The following CEP112 variants were observed in gnomAD, a reference collection of about 807,000 sequenced individuals.
CEP112 encodes the protein centrosomal protein 112.
In CEP112, 127 loss-of-function variants were observed where a neutral mutation model predicts 153.0. That is an observed-to-expected ratio of 0.83 (90% confidence interval 0.72 to 0.96). The LOEUF (loss-of-function observed/expected upper bound fraction) is 0.96. CEP112 is among the 40% of genes least tolerant of loss of function. CEP112 has a pLI of 0.00. For synonymous variants in CEP112, 358 were observed against 374.4 expected (o/e 0.96, Z 0.51); for missense variants, 1,089 against 1,101.2 (o/e 0.99, Z 0.16).
chr17:65,959,984 C>G (rs1255339488), intron 18 of CEP112, among the ~76,000 whole-genome samples: 1 of 152,088 alleles, frequency 6.6e-6, no homozygotes, highest in Non-Finnish European at 1.5e-5. Flanking sequence ...AGGTTTCTGG[C>G]CAAAAAAGTG....
At chr17:65,936,267 A>C (rs2061303427) in intron 18 of CEP112, among the ~76,000 whole-genome samples, 1 of 152,180 alleles carries the variant, frequency 6.6e-6, no homozygotes, top group Non-Finnish European at 1.5e-5. Flanking sequence ...CAACAAAGAG[A>C]AGCTCAGGAC....
intron 17 of CEP112, among the ~76,000 whole-genome samples, chr17:65,989,716 C>T (rs2063528881): frequency 6.6e-6 from 1 of 152,000 alleles, no homozygotes; most frequent in Non-Finnish European, 1.5e-5. Flanking sequence ...TGAACAAACC[C>T]AGAATAGTCT....
Position 65,689,173 on chromosome 17 carries a change from C to T in CEP112, c.2653G>A (p.Ala885Thr), listed in dbSNP as rs760653006. The T allele has an allele frequency of 1.7e-5, 28 of 1,613,622 alleles. No homozygotes were observed. Among genetic ancestry groups the T allele is most frequent in the Middle Eastern group, 1.6e-4 (1 of 6,084 alleles). ...LENRSNQVRC[A>T]EKKLQHKELE... ...TCTTTGTGTTGTAATTTTTTCTCTG[C>T]ACATCGCACCTGATTAGAACGGTTT... The change falls in exon 24 of 27, where the codon GCA becomes ACA. Residue 885 changes from alanine (A) to threonine (T), a missense_variant. Transcript: ENST00000535342.
chr17:66,005,679 A>G lies in CEP112; in HGVS notation c.1736+11T>C, dbSNP rs370507413. 41 of 1,603,968 alleles carry G rather than the reference A, an allele frequency of 2.6e-5. No individual in the cohort carries two copies. The African/African-American group carries it at 5.0e-4, about 19-fold the overall frequency. On this transcript the variant is annotated intron_variant, in intron 17 of 26. Coordinates refer to ENST00000535342, the MANE Select transcript of CEP112 (RefSeq NM_001199165.4). The stretch of plus-strand genomic sequence containing the variant: ...GTAGTTTTAAATCAAATGCATTACA[A>G]TTTTACTCACTTCAAAGCTTCCTCA...
chr17:65,970,243 T>G (rs1422587204), intron 17 of CEP112, among the ~76,000 whole-genome samples: 1 of 151,430 alleles, frequency 6.6e-6, no homozygotes. Context: ...TGCATGTATA[T>G]TACATGCATG....
chr17:66,070,220 C>A (rs1190812896), intron 8 of CEP112, among the ~76,000 whole-genome samples: 1 of 152,030 alleles, frequency 6.6e-6, no homozygotes, highest in East Asian at 1.9e-4. Flanking sequence ...ATAAATTTCA[C>A]CTGGTAGGCA....
intron 21 of CEP112, chr17:65,825,993 T>C: frequency 1.3e-6 from 1 of 770,452 alleles, no homozygotes; most frequent in Non-Finnish European, 2.2e-6. Flanking sequence ...CTGTTCAATG[T>C]GATTGCAGTT....
intron 21 of CEP112, among the ~76,000 whole-genome samples, chr17:65,788,405 C>T (rs2054397588): frequency 6.6e-6 from 1 of 152,176 alleles, no homozygotes; most frequent in African/African-American, 2.4e-5. Flanking sequence ...CAAGACTACA[C>T]TGGCTTTAGA....
intron 4 of CEP112, among the ~76,000 whole-genome samples, chr17:66,168,102 C>G (rs1568569573): frequency 1.3e-5 from 2 of 152,188 alleles, no homozygotes; most frequent in African/African-American, 2.4e-5. Context: ...GGCAACTGAA[C>G]AGTATCTATC....
intron 16 of CEP112, among the ~76,000 whole-genome samples, chr17:66,015,378 C>A (rs2064724193): frequency 7.9e-6 from 1 of 126,276 alleles, no homozygotes; most frequent in South Asian, 3.4e-4. Flanking sequence ...CTTTTTCGTT[C>A]TTGAGTATTT....
intron 4 of CEP112, among the ~76,000 whole-genome samples, chr17:66,145,376 T>C (rs931283154): frequency 2.0e-5 from 3 of 152,086 alleles, no homozygotes; most frequent in African/African-American, 7.2e-5. Flanking sequence ...TAAAAAAAGG[T>C]TTAGATAGTT....
intron 1 of CEP112, among the ~76,000 whole-genome samples, chr17:66,187,102 T>C (rs974195243): frequency 2.0e-5 from 3 of 152,132 alleles, no homozygotes; most frequent in African/African-American, 7.2e-5. Flanking sequence ...TGCCTGCTTC[T>C]CTATTCTCAC....
intron 22 of CEP112, 78 bp from the exon 23 acceptor site, chr17:65,743,295 A>G: frequency 1.7e-6 from 2 of 1,144,034 alleles, no homozygotes; most frequent in South Asian, 1.7e-5. Flanking sequence ...ATGCTTAACA[A>G]AAGAATGGAT....
intron 8 of CEP112, among the ~76,000 whole-genome samples, chr17:66,075,772 C>T (rs531390670): frequency 8.5e-4 from 130 of 152,280 alleles, no homozygotes; most frequent in African/African-American, 2.9e-3. Context: ...TGAATTTTAG[C>T]TCAAGAATGA....
At chr17:65,653,172 A>G (rs2045874892) in intron 24 of CEP112, among the ~76,000 whole-genome samples, 1 of 152,182 alleles carries the variant, frequency 6.6e-6, no homozygotes, top group African/African-American at 2.4e-5. Context: ...GGGGACACAA[A>G]CATTCATTGT....
At chr17:65,912,082 A>G (rs775218377) in intron 19 of CEP112, among the ~76,000 whole-genome samples, 16 of 152,160 alleles carry the variant, frequency 1.1e-4, no homozygotes, top group Non-Finnish European at 2.2e-4. Flanking sequence ...AACTTGGTAG[A>G]GGACTATGAT....
intron 6 of CEP112, among the ~76,000 whole-genome samples, chr17:66,102,660 T>C (rs1033048831): frequency 7.9e-5 from 12 of 151,530 alleles, no homozygotes; most frequent in Admixed American, 4.6e-4. Flanking sequence ...TAGTCGGGTG[T>C]GGTGGCGGGC....
At chr17:65,719,892 GAAGAAA>G (rs2049767597) in intron 23 of CEP112, among the ~76,000 whole-genome samples, 1 of 152,230 alleles carries the variant, frequency 6.6e-6, no homozygotes, top group Non-Finnish European at 1.5e-5. Context: ...GGGACCCAGT[GAAGAAA>G]GATCACTCTG....
intron 18 of CEP112, among the ~76,000 whole-genome samples, chr17:65,956,409 T>TACATACACACACACAC (rs1006922424): frequency 1.4e-5 from 2 of 146,618 alleles, no homozygotes; most frequent in African/African-American, 5.0e-5. Context: ...CATACATACA[T>TACATACACACACACAC]ACACACACAC....
Sources: allele counts gnomAD v4.1 joint callset (sites outside exome capture counted in the v4.1 genomes callset), GRCh38; gene constraint gnomAD v4.1.1; transcripts MANE v1.5; gene names NCBI Gene and HGNC (gene_info 2026-07-23, HGNC 2026-07-21).